The following APBA1 variants were observed in gnomAD, a reference collection of about 807,000 sequenced individuals.
The protein encoded by APBA1 is amyloid-beta A4 precursor protein-binding family A member 1.
In APBA1, 55 loss-of-function variants were observed where a neutral mutation model predicts 86.6. The observed-to-expected ratio is 0.64, with a 90% CI of 0.51 to 0.80. The LOEUF (loss-of-function observed/expected upper bound fraction) is 0.80, where lower values mean the gene tolerates loss of function less well. APBA1 is among the 30% of genes least tolerant of loss of function. The pLI, the probability that APBA1 is intolerant of heterozygous loss-of-function variation, is 0.00. For missense variants in APBA1, 1,090 were observed against 1,183.0 expected (o/e 0.92, Z 1.15); for synonymous variants, 511 against 493.9 (o/e 1.03, Z -0.46).
chr9:69,519,684 G>A (rs1836222076), intron 1 of APBA1, among the ~76,000 whole-genome samples: 3 of 152,182 alleles, frequency 2.0e-5, no homozygotes, highest in Admixed American at 6.6e-5. Context: ...AAAAACCACA[G>A]AAAGTACCTG....
At chr9:69,623,072 G>C (rs1822853048) in intron 1 of APBA1, among the ~76,000 whole-genome samples, 1 of 152,084 alleles carries the variant, frequency 6.6e-6, no homozygotes, top group East Asian at 1.9e-4. Context: ...CATGATCTTT[G>C]GCTCAAATGG....
chr9:69,536,443 C>T (rs534343614), intron 1 of APBA1, among the ~76,000 whole-genome samples: 5 of 151,966 alleles, frequency 3.3e-5, no homozygotes, highest in Admixed American at 6.5e-5. Flanking sequence ...TCTTGTATTA[C>T]GTTGAAGCAA....
chr9:69,598,836 A>C (rs375521715), intron 1 of APBA1, among the ~76,000 whole-genome samples: 1 of 152,358 alleles, frequency 6.6e-6, no homozygotes, highest in East Asian at 1.9e-4. Flanking sequence ...TTGAAAGTCC[A>C]AGGATCAAGC....
intron 1 of APBA1, among the ~76,000 whole-genome samples, chr9:69,635,384 A>T (rs966830231): frequency 3.9e-5 from 6 of 152,288 alleles, no homozygotes; most frequent in African/African-American, 1.4e-4. Flanking sequence ...AAAAGCAAGA[A>T]ATTAAAACAC....
At chr9:69,620,887 G>A (rs912953815) in intron 1 of APBA1, among the ~76,000 whole-genome samples, 11 of 152,312 alleles carry the variant, frequency 7.2e-5, no homozygotes, top group East Asian at 1.9e-4. Flanking sequence ...ACAGTTGGAC[G>A]ACAGTGAAGC....
chr9:69,435,122 ACTCATC>A (rs1344153067), intron 11 of APBA1, among the ~76,000 whole-genome samples: 1 of 151,598 alleles, frequency 6.6e-6, no homozygotes, highest in Admixed American at 6.6e-5. Context: ...AAGGACATGA[ACTCATC>A]CTTTTTTATG....
chr9:69,441,173 A>G, intron 10 of APBA1, 58 bp from the exon 11 acceptor site: 2 of 1,564,932 alleles, frequency 1.3e-6, no homozygotes, highest in Non-Finnish European at 1.7e-6. Context: ...CAGAATAAAC[A>G]AAAGCAGGCA....
In APBA1 at chr9:69,563,261, C is replaced by G. The variant is rs181140284; in HGVS notation, c.-69-45982G>C. On this transcript the variant is annotated intron_variant, in intron 1 of 12. Transcript: ENST00000265381. Reference sequence around the variant, plus strand: ...AAAAGAATATCCCTAACCAACTTGTCACTTTAAAAATAACTTGCTTTCCCC... The same window carrying G: ...AAAAGAATATCCCTAACCAACTTGTGACTTTAAAAATAACTTGCTTTCCCC... 2.7e-3 allele frequency among the ~76,000 whole-genome samples: 405 copies of G among 152,288 alleles called. 2 individuals are homozygous for G. Among genetic ancestry groups the G allele is most frequent in the African/African-American group, 9.3e-3 (388 of 41,558 alleles).
chr9:69,490,963 T>G (rs893684917), intron 2 of APBA1, among the ~76,000 whole-genome samples: 1 of 152,076 alleles, frequency 6.6e-6, no homozygotes, highest in South Asian at 2.1e-4. Flanking sequence ...CAACAGGTGC[T>G]AGAGAGGATG....
intron 1 of APBA1, among the ~76,000 whole-genome samples, chr9:69,613,219 C>T (rs1822625030): frequency 6.6e-6 from 1 of 152,042 alleles, no homozygotes; most frequent in Non-Finnish European, 1.5e-5. Context: ...GTTAGAACAA[C>T]AAAGTTTTCC....
At chr9:69,460,069 C>A (rs953346151) in intron 5 of APBA1, among the ~76,000 whole-genome samples, 4 of 152,198 alleles carry the variant, frequency 2.6e-5, no homozygotes, top group Non-Finnish European at 4.4e-5. Flanking sequence ...GGTAGAAAAG[C>A]TCCTCTGCTC....
intron 1 of APBA1, among the ~76,000 whole-genome samples, chr9:69,659,041 T>G (rs529991612): frequency 1.2e-4 from 18 of 152,276 alleles, no homozygotes; most frequent in Non-Finnish European, 2.4e-4. Flanking sequence ...TTCCCAGTTT[T>G]TCCTAGGAGC....
chr9:69,631,499 G>A (rs1174718423), intron 1 of APBA1, among the ~76,000 whole-genome samples: 4 of 152,204 alleles, frequency 2.6e-5, no homozygotes. Flanking sequence ...ACAGTGTGGC[G>A]ATTCCTCAAG....
intron 1 of APBA1, among the ~76,000 whole-genome samples, chr9:69,660,680 A>G (rs1823736993): frequency 6.6e-6 from 1 of 152,214 alleles, no homozygotes; most frequent in Non-Finnish European, 1.5e-5. Flanking sequence ...AATTTCCTTT[A>G]AAGATGAAAA....
rs201072152 is a variant in APBA1 at position 69,516,202 on chromosome 9, G to A, written c.1009C>T (p.Arg337Trp). The A allele has an allele frequency of 7.1e-6, 11 of 1,539,348 alleles. No individual in the cohort carries two copies. Among genetic ancestry groups the A allele is most frequent in the Middle Eastern group, 1.7e-4 (1 of 5,780 alleles). The change falls in exon 2 of 13, where the codon CGG becomes TGG. Residue 337 changes from arginine (R) to tryptophan (W), a missense_variant. Coordinates refer to ENST00000265381, the MANE Select transcript of APBA1 (RefSeq NM_001163.4). The surrounding 1 kb of genome is among the most constrained non-coding windows in gnomAD (Gnocchi z 7.3). ...GCATCGCGCTTCTCCTTGCTGTACC[G>A]CTGCCCCGCCTCGCCGCCGCCCGCG... ...GPAGGGEAGQ[R>W]YSKEKRDAIS...
intron 1 of APBA1, among the ~76,000 whole-genome samples, chr9:69,541,390 C>A (rs553538037): frequency 6.6e-6 from 1 of 151,856 alleles, no homozygotes; most frequent in Non-Finnish European, 1.5e-5. Flanking sequence ...TTTTTGATAG[C>A]GGCCATCCTA....
chr9:69,606,479 C>CTTTTTTTTTTTTTT (rs35083481), intron 1 of APBA1, among the ~76,000 whole-genome samples: 1 of 50,874 alleles, frequency 2.0e-5, no homozygotes, highest in Non-Finnish European at 3.6e-5. Context: ...AGGGAGCTAG[C>CTTTTTTTTTTTTTT]TTTTTTTTTT....
At chr9:69,449,496 G>T in intron 10 of APBA1, 88 bp downstream of exon 10, 2 of 1,227,882 alleles carry the variant, frequency 1.6e-6, no homozygotes, top group Non-Finnish European at 2.4e-6. Flanking sequence ...CTTTGAATAT[G>T]TTCATATACA....
chr9:69,603,190 C>T (rs547802294), intron 1 of APBA1, among the ~76,000 whole-genome samples: 2 of 152,376 alleles, frequency 1.3e-5, no homozygotes, highest in South Asian at 4.1e-4. Flanking sequence ...AGCCCAATCA[C>T]TGGCTGAAGA....
Sources: gnomAD v4.1 joint callset for allele counts (sites outside exome capture counted in the v4.1 genomes callset) on GRCh38, gnomAD v4.1.1 for gene constraint, Gnocchi (gnomAD v3.1) non-coding constraint, MANE v1.5 for transcripts, NCBI Gene and HGNC (gene_info 2026-07-23, HGNC 2026-07-21) for gene names.